The following MAGI2 variants were observed in gnomAD, a reference collection of about 807,000 sequenced individuals.
The protein encoded by MAGI2 is membrane associated guanylate kinase, WW and PDZ domain containing 2.
In MAGI2, 35 loss-of-function variants were observed where a neutral mutation model predicts 133.3. The observed-to-expected ratio is 0.26, with a 90% confidence interval of 0.20 to 0.35. The LOEUF is 0.35. Ranked by LOEUF, MAGI2 falls within the 10% of genes least tolerant of loss-of-function variation. The probability of loss-of-function intolerance (pLI) is 1.00; values close to 1 mark genes in which losing one functional copy is unlikely to be tolerated. For missense variants in MAGI2, 1,636 were observed against 1,863.4 expected (o/e 0.88, Z 2.25); for synonymous variants, 729 against 710.6 (o/e 1.03, Z -0.41).
At chr7:78,921,805 T>G (rs1157537932) in intron 2 of MAGI2, among the ~76,000 whole-genome samples, 1 of 152,094 alleles carries the variant, frequency 6.6e-6, no homozygotes, top group African/African-American at 2.4e-5. Context: ...CTAATTTTTT[T>G]GTATTTTTAT....
chr7:78,568,922 C>T (rs1254223642), intron 3 of MAGI2, among the ~76,000 whole-genome samples: 1 of 152,182 alleles, frequency 6.6e-6, no homozygotes, highest in East Asian at 1.9e-4. Flanking sequence ...GACTTCCTTG[C>T]TATTCCTTGA....
chr7:78,541,761 C>T (rs956535884), intron 3 of MAGI2, among the ~76,000 whole-genome samples: 1 of 152,100 alleles, frequency 6.6e-6, no homozygotes, highest in Non-Finnish European at 1.5e-5. Flanking sequence ...TGAAGATTCC[C>T]TTAATGAGAG....
intron 1 of MAGI2, among the ~76,000 whole-genome samples, chr7:79,143,069 A>G (rs1163346855): frequency 1.3e-5 from 2 of 152,216 alleles, no homozygotes; most frequent in Non-Finnish European, 2.9e-5. Flanking sequence ...AAAATAAAAG[A>G]TCAGTAAAAT....
At chr7:78,450,169 A>G (rs760601787) in intron 6 of MAGI2, among the ~76,000 whole-genome samples, 1 of 151,918 alleles carries the variant, frequency 6.6e-6, no homozygotes, top group Admixed American at 6.6e-5. Context: ...CTCCCATGTT[A>G]TCAAATCATA....
chr7:78,657,226 G>C (rs1812398867), intron 2 of MAGI2, among the ~76,000 whole-genome samples: 1 of 152,136 alleles, frequency 6.6e-6, no homozygotes, highest in Non-Finnish European at 1.5e-5. Context: ...CATTGCTGGT[G>C]GGAATGCAAA....
intron 21 of MAGI2, among the ~76,000 whole-genome samples, chr7:78,044,705 GCA>G (rs869047161): frequency 0.19 from 16,920 of 89,598 alleles, 1,389 homozygotes; most frequent in African/African-American, 0.39. Context: ...GTGTGTGTGT[GCA>G]CGTGTGCACA....
chr7:78,278,933 C>G (rs1795299237), intron 9 of MAGI2, among the ~76,000 whole-genome samples: 1 of 152,138 alleles, frequency 6.6e-6, no homozygotes, highest in Admixed American at 6.6e-5. Context: ...GGAGTCTGAT[C>G]TCCTATTTCT....
intron 3 of MAGI2, among the ~76,000 whole-genome samples, chr7:78,611,331 C>G (rs1237887118): frequency 6.6e-6 from 1 of 152,188 alleles, no homozygotes. Context: ...TCATTCAGAA[C>G]AAATCACATT....
At chr7:78,046,233 T>TAA (rs59275049) in intron 21 of MAGI2, among the ~76,000 whole-genome samples, 7,299 of 117,660 alleles carry the variant, frequency 0.062, 289 homozygotes, top group African/African-American at 0.13. Flanking sequence ...CTGTCTCTAC[T>TAA]AAAAAAAAAA....
intron 6 of MAGI2, among the ~76,000 whole-genome samples, chr7:78,392,701 C>T (rs2885268): frequency 0.82 from 125,397 of 152,148 alleles, 51,840 homozygotes; most frequent in African/African-American, 0.87. Flanking sequence ...TAGAGTACAA[C>T]GGCGCAATCT....
chr7:79,026,788 G>A (rs868122822), intron 1 of MAGI2, among the ~76,000 whole-genome samples: 6 of 151,872 alleles, frequency 4.0e-5, no homozygotes, highest in African/African-American at 9.7e-5. Flanking sequence ...CATGAAAATC[G>A]CTTGAGCCCC....
chr7:78,642,214 T>C (rs1810388814), intron 2 of MAGI2, among the ~76,000 whole-genome samples: 1 of 152,208 alleles, frequency 6.6e-6, no homozygotes, highest in Non-Finnish European at 1.5e-5. Flanking sequence ...TTCACAGTAA[T>C]ATTTTATGTT....
chr7:79,307,038 G>T (rs1206222907), intron 1 of MAGI2, among the ~76,000 whole-genome samples: 1 of 152,068 alleles, frequency 6.6e-6, no homozygotes, highest in Non-Finnish European at 1.5e-5. Context: ...TTTTGAGGCT[G>T]CCAGGATGAA....
intron 6 of MAGI2, among the ~76,000 whole-genome samples, chr7:78,418,714 T>C (rs1301452853): frequency 6.6e-6 from 1 of 152,118 alleles, no homozygotes; most frequent in African/African-American, 2.4e-5. Flanking sequence ...TGATTACTGT[T>C]TGATGGCAAA....
In MAGI2 at chr7:78,580,941, G is replaced by A. The variant is rs571898680; in HGVS notation, c.538+46179C>T. ...TAATGACATCACAAATGCAGATGAC[G>A]ACAGATCTAATTTCAATAGAATTTT... On this transcript the variant is annotated intron_variant, in intron 3 of 21. Transcript: ENST00000354212. 5.9e-5 allele frequency among the ~76,000 whole-genome samples: 9 copies of A among 152,216 alleles called. No homozygotes were observed. In the South Asian group the frequency reaches 8.3e-4, roughly 14 times the overall value.
intron 13 of MAGI2, among the ~76,000 whole-genome samples, chr7:78,181,055 G>A (rs576909682): frequency 8.6e-5 from 13 of 151,586 alleles, no homozygotes; most frequent in Admixed American, 6.6e-5. Flanking sequence ...AAAGCTGGGA[G>A]ACATCATTCT....
At chr7:79,304,205 G>GTC (rs1554438929) in intron 1 of MAGI2, among the ~76,000 whole-genome samples, 20 of 145,418 alleles carry the variant, frequency 1.4e-4, no homozygotes, top group Admixed American at 5.0e-4. Context: ...GTGTGTGTCT[G>GTC]TGTGTGTGTG....
In MAGI2 at chr7:78,245,156, T is replaced by C. The variant is rs1352119297; in HGVS notation, c.2047+10787A>G. On this transcript the variant is annotated intron_variant, in intron 10 of 21. Transcript: ENST00000354212. The stretch of plus-strand genomic sequence containing the variant: ...AACACCATGAAATGAACTGAAAAAA[T>C]TACGAGAAACACTAAGATAACTCAG... 5.3e-5 allele frequency among the ~76,000 whole-genome samples: 8 copies of C among 152,018 alleles called. No individual in the cohort carries two copies. The East Asian group carries it at 1.5e-3, about 29-fold the overall frequency.
At chr7:78,263,670 G>A (rs1198784621) in intron 9 of MAGI2, among the ~76,000 whole-genome samples, 1 of 151,982 alleles carries the variant, frequency 6.6e-6, no homozygotes, top group African/African-American at 2.4e-5. Flanking sequence ...CATATCCAGC[G>A]GCTGCAAAGC....
Sources: allele counts gnomAD v4.1 joint callset (sites outside exome capture counted in the v4.1 genomes callset), GRCh38; gene constraint gnomAD v4.1.1; transcripts MANE v1.5; gene names NCBI Gene and HGNC (gene_info 2026-07-23, HGNC 2026-07-21).